The following IL1RAPL1 variants were observed in gnomAD, a reference collection of about 807,000 sequenced individuals.
IL1RAPL1 encodes interleukin-1 receptor accessory protein-like 1.
Under a neutral mutation model 48.4 loss-of-function variants are expected in IL1RAPL1, and 3 were observed. The observed-to-expected ratio is 0.06, with a 90% CI of 0.03 to 0.16. The LOEUF is 0.16. Ranked by LOEUF, IL1RAPL1 falls within the 10% of genes least tolerant of loss-of-function variation. IL1RAPL1 has a pLI of 1.00. For synonymous variants in IL1RAPL1, 185 were observed against 187.7 expected (o/e 0.99, Z 0.12); for missense variants, 349 against 530.6 (o/e 0.66, Z 3.36).
intron 2 of IL1RAPL1, among the ~76,000 whole-genome samples, chrX:28,854,697 G>T: frequency 9.0e-6 from 1 of 111,499 alleles, no homozygotes; most frequent in East Asian, 2.8e-4. Context: ...AACAATTGGG[G>T]CAGGGGAAGG....
chrX:29,852,881 C>T (rs1931398847), intron 6 of IL1RAPL1, among the ~76,000 whole-genome samples: 1 of 111,337 alleles, frequency 9.0e-6, no homozygotes, highest in African/African-American at 3.3e-5. Flanking sequence ...GCAATAACAA[C>T]AATAATAATG....
At chrX:29,698,719 T>G (rs141573256) in intron 6 of IL1RAPL1, among the ~76,000 whole-genome samples, 115 of 112,352 alleles carry the variant, frequency 1.0e-3, no homozygotes, top group African/African-American at 3.6e-3. Flanking sequence ...ATTTCTGAAC[T>G]GGTTTTGCAG....
intron 2 of IL1RAPL1, among the ~76,000 whole-genome samples, chrX:29,000,322 CTTTT>C (rs1413007020): frequency 9.0e-6 from 1 of 111,682 alleles, no homozygotes; most frequent in Non-Finnish European, 1.9e-5. Context: ...TACATCCTTT[CTTTT>C]TGTCTTGCAA....
At chrX:29,235,839 T>C (rs1032070379) in intron 2 of IL1RAPL1, among the ~76,000 whole-genome samples, 70 of 112,210 alleles carry the variant, frequency 6.2e-4, no homozygotes, top group East Asian at 5.6e-4. Context: ...AATGAACTGA[T>C]GTTGATGTTA....
chrX:29,049,856 A>G (rs928370346), intron 2 of IL1RAPL1, among the ~76,000 whole-genome samples: 8 of 112,661 alleles, frequency 7.1e-5, no homozygotes, highest in African/African-American at 2.3e-4. Flanking sequence ...TTAACGTATT[A>G]TACAACTGTG....
chrX:29,498,984 C>T (rs917919376), intron 5 of IL1RAPL1, among the ~76,000 whole-genome samples: 24 of 112,212 alleles, frequency 2.1e-4, no homozygotes, highest in African/African-American at 7.4e-4. Flanking sequence ...AATCAAACCA[C>T]AAAGGTTCTT....
At chrX:28,792,597 C>T (rs1014847397) in intron 2 of IL1RAPL1, among the ~76,000 whole-genome samples, 3 of 103,989 alleles carry the variant, frequency 2.9e-5, no homozygotes, top group Middle Eastern at 4.8e-3. Context: ...ACCATCCTGG[C>T]TAACACAGTG....
chrX:29,596,944 A>G (rs969327601), intron 5 of IL1RAPL1, among the ~76,000 whole-genome samples: 1 of 111,283 alleles, frequency 9.0e-6, no homozygotes, highest in Non-Finnish European at 1.9e-5. Context: ...TAATAAAGGG[A>G]TGATGGATTT....
intron 9 of IL1RAPL1, among the ~76,000 whole-genome samples, chrX:29,946,561 G>A (rs1395947244): frequency 8.9e-6 from 1 of 112,261 alleles, no homozygotes; most frequent in African/African-American, 3.2e-5. Context: ...GATAAATTCT[G>A]CCAGAAAAAT....
chrX:28,832,286 A>C (rs1177819593), intron 2 of IL1RAPL1, among the ~76,000 whole-genome samples: 2 of 110,521 alleles, frequency 1.8e-5, no homozygotes, highest in Non-Finnish European at 3.8e-5. Context: ...GGTAATCACT[A>C]TTCTCCTCTC....
chrX:28,835,487 G>T (rs1422991300), intron 2 of IL1RAPL1, among the ~76,000 whole-genome samples: 1 of 111,085 alleles, frequency 9.0e-6, no homozygotes, highest in Non-Finnish European at 1.9e-5. Context: ...ATCCAGCACA[G>T]TGGGGGGAAC....
At chrX:28,634,325 A>G (rs1038050352) in intron 1 of IL1RAPL1, among the ~76,000 whole-genome samples, 11 of 106,604 alleles carry the variant, frequency 1.0e-4, no homozygotes, top group South Asian at 4.0e-4. Flanking sequence ...TTATATATAT[A>G]TGTGTGTGTG....
chrX:29,197,833 C>T (rs755812578), intron 2 of IL1RAPL1, among the ~76,000 whole-genome samples: 7 of 108,661 alleles, frequency 6.4e-5, no homozygotes, highest in Non-Finnish European at 1.3e-4. Context: ...CTCAGCCTCC[C>T]GAGTAGCTGG....
At chrX:29,821,519 A>G (rs998422443) in intron 6 of IL1RAPL1, among the ~76,000 whole-genome samples, 8 of 112,089 alleles carry the variant, frequency 7.1e-5, no homozygotes, top group Non-Finnish European at 9.4e-5. Flanking sequence ...TTGAAGTTAC[A>G]TCCTTACTGA....
chrX:28,990,979 A>G (rs181290634), intron 2 of IL1RAPL1, among the ~76,000 whole-genome samples: 32 of 112,198 alleles, frequency 2.9e-4, no homozygotes, highest in Admixed American at 2.6e-3. Flanking sequence ...ACAAATGTAT[A>G]TGAACATATA....
intron 5 of IL1RAPL1, among the ~76,000 whole-genome samples, chrX:29,433,876 G>T (rs1404714258): frequency 9.2e-6 from 1 of 109,192 alleles, no homozygotes. Flanking sequence ...TTGCCTAAAA[G>T]ATAATAATCA....
chrX:28,791,023 T>G, intron 2 of IL1RAPL1, among the ~76,000 whole-genome samples: 1 of 111,991 alleles, frequency 8.9e-6, no homozygotes, highest in Non-Finnish European at 1.9e-5. Context: ...ATGACAATAG[T>G]TCATCCAAAA....
intron 1 of IL1RAPL1, among the ~76,000 whole-genome samples, chrX:28,715,841 A>T (rs1241298505): frequency 8.9e-6 from 1 of 111,832 alleles, no homozygotes; most frequent in Non-Finnish European, 1.9e-5. Context: ...TGAGACCAGC[A>T]TCATCTTGAT....
chrX:29,943,490 T>C (rs1295856669), intron 9 of IL1RAPL1, among the ~76,000 whole-genome samples: 1 of 112,183 alleles, frequency 8.9e-6, no homozygotes, highest in East Asian at 2.8e-4. Flanking sequence ...TGAAAATAAG[T>C]CTATTCCCAA....
Sources: allele counts gnomAD v4.1 joint callset (sites outside exome capture counted in the v4.1 genomes callset), GRCh38; gene constraint gnomAD v4.1.1; transcripts MANE v1.5; gene names NCBI Gene and HGNC (gene_info 2026-07-23, HGNC 2026-07-21).